The following CCDC152 variants were observed in gnomAD, a reference collection of about 807,000 sequenced individuals.
CCDC152 encodes coiled-coil domain containing 152.
CCDC152 carries 37 observed loss-of-function variants against 38.1 expected under a neutral mutation model. The ratio of observed to expected loss-of-function variants is 0.97; its 90% confidence interval spans 0.75 to 1.28. CCDC152 has a LOEUF of 1.28. CCDC152 is among the 50% of genes most tolerant of loss of function. The pLI is 0.00. For missense variants in CCDC152, 259 were observed against 292.1 expected (o/e 0.89, Z 0.83); for synonymous variants, 83 against 87.1 (o/e 0.95, Z 0.26).
At chr5:42,757,983 AT>A (rs1379843587) in intron 1 of CCDC152, among the ~76,000 whole-genome samples, 1 of 152,194 alleles carries the variant, frequency 6.6e-6, no homozygotes, top group Non-Finnish European at 1.5e-5. Flanking sequence ...ATTATTTTTA[AT>A]TTTACTCCAA....
chr5:42,798,619 G>T (rs1760113028), intron 7 of CCDC152, among the ~76,000 whole-genome samples: 1 of 152,074 alleles, frequency 6.6e-6, no homozygotes, highest in African/African-American at 2.4e-5. Context: ...CTTATCACTG[G>T]TCTATTATTT....
chr5:42,797,058 C>A, intron 7 of CCDC152, 102 bp downstream of exon 7: 1 of 905,372 alleles, frequency 1.1e-6, no homozygotes, highest in Non-Finnish European at 1.6e-6. Context: ...GGATTAGAAG[C>A]AATTCTGTGA....
intron 2 of CCDC152, among the ~76,000 whole-genome samples, chr5:42,761,006 T>C (rs1024889083): frequency 6.6e-6 from 1 of 152,188 alleles, no homozygotes; most frequent in African/African-American, 2.4e-5. Context: ...TGGAGATACA[T>C]ATGGATGGTA....
chr5:42,787,634 A>T (rs140707160), intron 6 of CCDC152, among the ~76,000 whole-genome samples: 1 of 151,554 alleles, frequency 6.6e-6, no homozygotes, highest in African/African-American at 2.4e-5. Context: ...CTTTATCATT[A>T]TATAATAGTA....
At chr5:42,793,434 C>T (rs551443176) in intron 6 of CCDC152, among the ~76,000 whole-genome samples, 4 of 152,164 alleles carry the variant, frequency 2.6e-5, no homozygotes, top group East Asian at 1.9e-4. Flanking sequence ...ATATAAATTA[C>T]GCTGCAGTAA....
intron 6 of CCDC152, among the ~76,000 whole-genome samples, chr5:42,791,501 G>A (rs1349128934): frequency 8.5e-5 from 13 of 152,162 alleles, no homozygotes; most frequent in Non-Finnish European, 1.8e-4. Flanking sequence ...GCACATTTCT[G>A]GTGGCCTTGG....
chr5:42,788,052 G>A (rs1032226355), intron 6 of CCDC152, among the ~76,000 whole-genome samples: 34 of 152,080 alleles, frequency 2.2e-4, no homozygotes, highest in Admixed American at 1.1e-3. Flanking sequence ...GTACTTCTGC[G>A]TGCTTTTATG....
At chr5:42,798,864 T>A (rs763248152) in intron 7 of CCDC152, among the ~76,000 whole-genome samples, 5 of 152,208 alleles carry the variant, frequency 3.3e-5, no homozygotes, top group Non-Finnish European at 7.3e-5. Context: ...CAGCAAGGGT[T>A]CAAACTATAT....
intron 7 of CCDC152, among the ~76,000 whole-genome samples, chr5:42,797,963 C>T (rs7708337): frequency 0.26 from 39,333 of 151,674 alleles, 5,698 homozygotes; most frequent in Admixed American, 0.38. Flanking sequence ...ACCAGGCCAA[C>T]GTGGTGAAAC....
At chr5:42,789,850 AT>A (rs909928697) in intron 6 of CCDC152, among the ~76,000 whole-genome samples, 7 of 152,190 alleles carry the variant, frequency 4.6e-5, no homozygotes, top group Non-Finnish European at 1.0e-4. Flanking sequence ...AATAAGTTAC[AT>A]ATAAAACCTA....
chr5:42,785,638 T>C (rs1759911538), intron 6 of CCDC152, among the ~76,000 whole-genome samples: 1 of 152,124 alleles, frequency 6.6e-6, no homozygotes, highest in Non-Finnish European at 1.5e-5. Flanking sequence ...TCCTGATTGC[T>C]CTAGCTACAG....
At position 42,800,481 on chromosome 5, in the gene CCDC152, A is replaced by C. The variant is rs1760157742; in HGVS notation, c.*700A>C. On this transcript the variant is annotated 3_prime_UTR_variant, in exon 9 of 9. Transcript: ENST00000361970. ...CAAATAGAACACTGGAAAAAGAAAA[A>C]AAAAGACATATTAACCAAAAGCTGC... The C allele has an allele frequency of 2.3e-6, 1 of 433,278 alleles. No homozygotes were observed. Among genetic ancestry groups the C allele is most frequent in the African/African-American group, 2.0e-5 (1 of 49,462 alleles). 26.8% of individuals were successfully genotyped at this position (433,278 alleles called of 1,614,324 possible).
At chr5:42,781,582 TAC>T (rs1216804545) in intron 5 of CCDC152, among the ~76,000 whole-genome samples, 44 of 142,624 alleles carry the variant, frequency 3.1e-4, no homozygotes, top group African/African-American at 1.1e-3. Context: ...CACACACACA[TAC>T]ACACACACAA....
intron 4 of CCDC152, among the ~76,000 whole-genome samples, chr5:42,772,474 C>A (rs142049408): frequency 0.012 from 1,816 of 152,162 alleles, 39 homozygotes; most frequent in African/African-American, 0.042. Flanking sequence ...TGGTGAAACC[C>A]CGCCTCTACT....
rs192855584 is a variant in CCDC152, at chr5:42,778,593, G to T, written c.263-865G>T. 2.2e-3 allele frequency among the ~76,000 whole-genome samples: 329 copies of T among 152,134 alleles called. 5 individuals carry two copies. Among genetic ancestry groups the T allele is most frequent in the African/African-American group, 7.5e-3 (312 of 41,494 alleles). Reference sequence around the variant, plus strand: ...CAAACCAAAAACCTAAAAAGAAAAGGCTCCCCCTTTCTCTTTTGCCTCCTC... The same window carrying T: ...CAAACCAAAAACCTAAAAAGAAAAGTCTCCCCCTTTCTCTTTTGCCTCCTC... On this transcript the variant is annotated intron_variant, in intron 4 of 8. Coordinates refer to ENST00000361970, the MANE Select transcript of CCDC152 (RefSeq NM_001134848.2).
intron 4 of CCDC152, among the ~76,000 whole-genome samples, chr5:42,778,943 T>A (rs1759803941): frequency 6.6e-6 from 1 of 152,182 alleles, no homozygotes; most frequent in African/African-American, 2.4e-5. Flanking sequence ...AGTGATAGGA[T>A]CCCAACCTAT....
intron 7 of CCDC152, among the ~76,000 whole-genome samples, chr5:42,798,816 A>G (rs1030357319): frequency 1.3e-5 from 2 of 152,178 alleles, no homozygotes; most frequent in African/African-American, 4.8e-5. Flanking sequence ...AGAATGGCCT[A>G]TGAGAACTTT....
chr5:42,757,779 G>T (rs924798526), intron 1 of CCDC152, among the ~76,000 whole-genome samples: 1 of 152,162 alleles, frequency 6.6e-6, no homozygotes, highest in Non-Finnish European at 1.5e-5. Flanking sequence ...GGGGGAAGGA[G>T]TTGAGAGAAA....
At chr5:42,769,734 T>TTTTA (rs1759673226) in intron 4 of CCDC152, 69 bp downstream of exon 4, 2 of 1,412,118 alleles carry the variant, frequency 1.4e-6, no homozygotes, top group South Asian at 2.9e-5. Context: ...AATAGGAAGT[T>TTTTA]TTTACATGGT....
Sources: gnomAD v4.1 joint callset for allele counts (sites outside exome capture counted in the v4.1 genomes callset) on GRCh38, gnomAD v4.1.1 for gene constraint, MANE v1.5 for transcripts, NCBI Gene and HGNC (gene_info 2026-07-23, HGNC 2026-07-21) for gene names.